Variants in TRAF3 observed in about 807,000 individuals in gnomAD.
TRAF3 encodes TNF receptor-associated factor 3.
Under a neutral mutation model 62.3 loss-of-function variants are expected in TRAF3, and 13 were observed. The observed-to-expected ratio is 0.21, with a 90% CI of 0.14 to 0.33. The LOEUF (loss-of-function observed/expected upper bound fraction) is 0.33, where lower values mean the gene tolerates loss of function less well. Ranked by LOEUF, TRAF3 falls within the 10% of genes least tolerant of loss-of-function variation. The pLI, the probability that TRAF3 is intolerant of heterozygous loss-of-function variation, is 1.00. For missense variants in TRAF3, 440 were observed against 741.8 expected (o/e 0.59, Z 4.73); for synonymous variants, 269 against 283.4 (o/e 0.95, Z 0.51).
intron 9 of TRAF3, among the ~76,000 whole-genome samples, chr14:102,895,557 C>T (rs1327409474): frequency 2.0e-5 from 3 of 152,142 alleles, no homozygotes; most frequent in East Asian, 1.9e-4. Context: ...GAGCGTACAT[C>T]GTTGGAGAGG....
chr14:102,901,697 T>C (rs1009084112), intron 10 of TRAF3, among the ~76,000 whole-genome samples: 4 of 152,364 alleles, frequency 2.6e-5, no homozygotes, highest in Non-Finnish European at 4.4e-5. Context: ...TTAACTAATA[T>C]CATGTTTCTT....
chr14:102,817,448 G>A (rs1246562190), intron 1 of TRAF3, among the ~76,000 whole-genome samples: 2 of 152,126 alleles, frequency 1.3e-5, no homozygotes, highest in Non-Finnish European at 2.9e-5. Context: ...CCGTGCTCTG[G>A]AAGGCAGGGT....
chr14:102,820,977 G>A (rs1342808701), intron 1 of TRAF3, among the ~76,000 whole-genome samples: 1 of 151,980 alleles, frequency 6.6e-6, no homozygotes, highest in Non-Finnish European at 1.5e-5. Flanking sequence ...AGCCTGCAGG[G>A]AAGTCTGCCC....
intron 2 of TRAF3, among the ~76,000 whole-genome samples, chr14:102,847,698 ATTTC>A (rs1351571494): frequency 2.0e-5 from 3 of 151,998 alleles, no homozygotes; most frequent in Middle Eastern, 3.2e-3. Context: ...ATTTGTGTAG[ATTTC>A]TTTCTTCAGC....
chr14:102,837,950 T>C (rs113144235), intron 2 of TRAF3, among the ~76,000 whole-genome samples: 1 of 152,194 alleles, frequency 6.6e-6, no homozygotes, highest in Non-Finnish European at 1.5e-5. Context: ...CTAAGATAAT[T>C]TGAGCGTACA....
chr14:102,901,789 A>C (rs1407856713), intron 10 of TRAF3, among the ~76,000 whole-genome samples: 1 of 152,246 alleles, frequency 6.6e-6, no homozygotes, highest in Non-Finnish European at 1.5e-5. Context: ...GTGGTTAATA[A>C]CAGCCAGCAA....
chr14:102,845,132 G>A lies in TRAF3; in HGVS notation c.-18+14660G>A, dbSNP rs902188249. Reference sequence around the variant, plus strand: ...AGGATGGACTTAATCTCCTGACCTCGTGATCCACCCACCTCGGCCTCCCAA... The same window carrying A: ...AGGATGGACTTAATCTCCTGACCTCATGATCCACCCACCTCGGCCTCCCAA... On this transcript the variant is annotated intron_variant, in intron 2 of 11. Coordinates refer to ENST00000392745, the MANE Select transcript of TRAF3 (RefSeq NM_145725.3). Among the ~76,000 whole-genome samples, 7 of 151,898 alleles carry A rather than the reference G, an allele frequency of 4.6e-5. No homozygotes were observed. In the East Asian group the frequency reaches 7.8e-4, roughly 17 times the overall value.
chr14:102,894,326 CA>C (rs924107989), intron 9 of TRAF3, among the ~76,000 whole-genome samples: 2 of 148,806 alleles, frequency 1.3e-5, no homozygotes, highest in Middle Eastern at 3.4e-3. Context: ...GACTCGTCTC[CA>C]AAAAAAAAGA....
At chr14:102,779,990 G>C (rs1897207239) in intron 1 of TRAF3, among the ~76,000 whole-genome samples, 1 of 152,244 alleles carries the variant, frequency 6.6e-6, no homozygotes, top group East Asian at 1.9e-4. Context: ...GCTGCTTTGC[G>C]AGTGTTCATG....
At chr14:102,854,787 T>C (rs1887263005) in intron 2 of TRAF3, among the ~76,000 whole-genome samples, 1 of 149,066 alleles carries the variant, frequency 6.7e-6, no homozygotes, top group Non-Finnish European at 1.5e-5. Context: ...AGGTGTCAGC[T>C]GCCGCACCTG....
Position 102,837,756 on chromosome 14 carries a change from C to T in TRAF3, c.-18+7284C>T, listed in dbSNP as rs537026775. 1.4e-4 allele frequency among the ~76,000 whole-genome samples: 21 copies of T among 152,280 alleles called. No homozygotes were observed. In the South Asian group the frequency reaches 3.9e-3, roughly 29 times the overall value. ...GCCTCTTGCTAAGGAATTAGATAATCGTGCAGGGTTTGAATTGACAGTTGT... is the reference window on the plus strand; with the variant it reads ...GCCTCTTGCTAAGGAATTAGATAATTGTGCAGGGTTTGAATTGACAGTTGT... On this transcript the variant is annotated intron_variant, in intron 2 of 11. Coordinates refer to ENST00000392745, the MANE Select transcript of TRAF3 (RefSeq NM_145725.3).
chr14:102,779,144 G>C (rs917831579), intron 1 of TRAF3, among the ~76,000 whole-genome samples: 72 of 152,236 alleles, frequency 4.7e-4, no homozygotes, highest in African/African-American at 1.6e-3. Flanking sequence ...CAGCATCGCT[G>C]GTGAAAATCA....
At chr14:102,779,759 G>A (rs1024654709) in intron 1 of TRAF3, among the ~76,000 whole-genome samples, 4 of 152,234 alleles carry the variant, frequency 2.6e-5, no homozygotes, top group Admixed American at 1.3e-4. Context: ...GTCTGAGCTA[G>A]CTCAAGCAAA....
chr14:102,905,840 C>A lies in TRAF3; in HGVS notation c.*56C>A, dbSNP rs373244439. The A allele has an allele frequency of 7.3e-6, 11 of 1,508,566 alleles. No homozygotes were observed. The highest frequency in any genetic ancestry group is 1.0e-5 in the Non-Finnish European group (11 of 1,094,584). 93.4% of individuals were successfully genotyped at this position (1,508,566 alleles called of 1,614,324 possible). On this transcript the variant is annotated 3_prime_UTR_variant, in exon 12 of 12. Transcript: ENST00000392745. ...GGCAACTCCTCTGGGGGATTTGAAC[C>A]GGTCTGTCTTCACTGAGGTCCTCGC...
chr14:102,887,348 C>T (rs527765222), intron 7 of TRAF3, among the ~76,000 whole-genome samples: 5 of 152,298 alleles, frequency 3.3e-5, no homozygotes, highest in African/African-American at 1.2e-4. Flanking sequence ...CCTGACTGAG[C>T]AAGAGGGCCC....
chr14:102,796,288 G>A (rs1898080294), intron 1 of TRAF3, among the ~76,000 whole-genome samples: 1 of 152,228 alleles, frequency 6.6e-6, no homozygotes, highest in African/African-American at 2.4e-5. Flanking sequence ...GGTTTCTGAG[G>A]ATGGCCCGAG....
intron 7 of TRAF3, 38 bp downstream of exon 7, chr14:102,886,307 C>T: frequency 6.4e-7 from 1 of 1,570,008 alleles, no homozygotes; most frequent in Non-Finnish European, 8.7e-7. Context: ...TCTGTGGAGT[C>T]CTCAGGGCTG....
intron 1 of TRAF3, among the ~76,000 whole-genome samples, chr14:102,802,220 T>A (rs1158706243): frequency 3.0e-5 from 4 of 132,864 alleles, no homozygotes; most frequent in Non-Finnish European, 6.3e-5. Flanking sequence ...AGTGGCGCAA[T>A]CTTGGCTCAC....
chr14:102,821,155 G>A (rs1334210734), intron 1 of TRAF3, among the ~76,000 whole-genome samples: 1 of 152,078 alleles, frequency 6.6e-6, no homozygotes, highest in East Asian at 1.9e-4. Context: ...GATAAGTTGT[G>A]TAGAATGTAT....
Sources: allele counts gnomAD v4.1 joint callset (sites outside exome capture counted in the v4.1 genomes callset), GRCh38; gene constraint gnomAD v4.1.1; transcripts MANE v1.5; gene names NCBI Gene and HGNC (gene_info 2026-07-23, HGNC 2026-07-21).